The following SV2C variants were observed in gnomAD, a reference collection of about 807,000 sequenced individuals.
SV2C encodes solute carrier family 22 member B3.
Under a neutral mutation model 79.7 loss-of-function variants are expected in SV2C, and 49 were observed. The observed-to-expected ratio is 0.61, with a 90% CI of 0.49 to 0.78. The LOEUF (loss-of-function observed/expected upper bound fraction) is 0.78. Ranked by LOEUF, SV2C falls within the 30% of genes least tolerant of loss-of-function variation. The pLI is 0.00. For synonymous variants in SV2C, 334 were observed against 333.2 expected (o/e 1.00, Z -0.03); for missense variants, 833 against 912.9 (o/e 0.91, Z 1.13).
chr5:75,973,676 A>G, the SV2C span, among the ~76,000 whole-genome samples: 6 of 152,180 alleles, frequency 3.9e-5, no homozygotes, highest in African/African-American at 9.6e-5. Context: ...GATCAGGATT[A>G]TGACAGACTA....
In SV2C at chr5:76,330,535, C is replaced by G. The variant is rs1749146503; in HGVS notation, c.*4988C>G. On this transcript the variant is annotated 3_prime_UTR_variant, in exon 13 of 13. Coordinates refer to ENST00000502798, the MANE Select transcript of SV2C (RefSeq NM_014979.4). ...GAGAGAAGACACTCTCACACTGACC[C>G]CCATTACATGTGAACCCTCCGCGCC... The G allele has an allele frequency of 6.7e-6, 1 of 149,088 alleles. No homozygotes were observed. Among genetic ancestry groups the G allele is most frequent in the African/African-American group, 2.5e-5 (1 of 40,302 alleles). The allele number at this position is 149,088 out of a possible 1,614,324, so 9.2% of individuals were successfully genotyped here.
intron 3 of SV2C, among the ~76,000 whole-genome samples, chr5:76,202,427 AG>A (rs940091693): frequency 3.3e-5 from 5 of 152,216 alleles, no homozygotes; most frequent in Admixed American, 6.5e-5. Flanking sequence ...TAATGTAATC[AG>A]GTTTCATACC....
chr5:75,872,391 C>T, the SV2C span, among the ~76,000 whole-genome samples: 4 of 151,928 alleles, frequency 2.6e-5, no homozygotes, highest in South Asian at 8.3e-4. Context: ...CTTCTTACAC[C>T]AGGCAAAATG....
downstream of SV2C, among the ~76,000 whole-genome samples, chr5:76,335,984 C>T (rs1188388452): frequency 2.0e-5 from 3 of 152,136 alleles, no homozygotes; most frequent in Non-Finnish European, 2.9e-5. Context: ...CTCCTCACTT[C>T]CCAGTAGGGG....
chr5:75,997,316 C>A, the SV2C span, among the ~76,000 whole-genome samples: 4 of 151,956 alleles, frequency 2.6e-5, no homozygotes, highest in African/African-American at 9.7e-5. Context: ...AAGCAATGGA[C>A]AACAAAAGCC....
chr5:76,002,412 A>C, the SV2C span, among the ~76,000 whole-genome samples: 1 of 152,150 alleles, frequency 6.6e-6, no homozygotes, highest in Non-Finnish European at 1.5e-5. Context: ...GGGTCACTGC[A>C]GGGAGGAAGA....
At chr5:75,959,553 C>G in the SV2C span, among the ~76,000 whole-genome samples, 1 of 151,894 alleles carries the variant, frequency 6.6e-6, no homozygotes, top group Non-Finnish European at 1.5e-5. Flanking sequence ...AGGTTTATCC[C>G]CAAAACACAT....
chr5:76,031,669 C>T, the SV2C span, among the ~76,000 whole-genome samples: 2 of 152,132 alleles, frequency 1.3e-5, no homozygotes, highest in Non-Finnish European at 2.9e-5. Flanking sequence ...TTAATATATT[C>T]AATATCTTTA....
intron 3 of SV2C, among the ~76,000 whole-genome samples, chr5:76,197,034 C>A (rs928022721): frequency 1.4e-4 from 21 of 152,304 alleles, no homozygotes; most frequent in African/African-American, 5.1e-4. Context: ...CTCCCGGGGG[C>A]TGGGAATCAA....
intron 4 of SV2C, chr5:76,242,191 T>C: frequency 2.0e-6 from 2 of 1,024,112 alleles, no homozygotes; most frequent in Non-Finnish European, 3.1e-6. Context: ...GCTCTGGCTT[T>C]GGAGGAGCAG....
At chr5:76,257,258 AGTGTATGTGTGTGT>A (rs1223647945) in intron 4 of SV2C, among the ~76,000 whole-genome samples, 3 of 56,544 alleles carry the variant, frequency 5.3e-5, no homozygotes, top group South Asian at 9.0e-4. Flanking sequence ...GGGGGGCTGT[AGTGTATGTGTGTGT>A]GTGTGTGTGT....
chr5:76,077,604 G>A, the SV2C span, among the ~76,000 whole-genome samples: 4 of 152,238 alleles, frequency 2.6e-5, no homozygotes, highest in South Asian at 8.3e-4. Flanking sequence ...AAGGAAATGG[G>A]GGCACCAGCC....
At chr5:75,957,424 T>A in the SV2C span, among the ~76,000 whole-genome samples, 1 of 152,040 alleles carries the variant, frequency 6.6e-6, no homozygotes, top group African/African-American at 2.4e-5. Context: ...CCAGTATCTT[T>A]ACTAGAAGAG....
intron 4 of SV2C, among the ~76,000 whole-genome samples, chr5:76,265,498 G>GA (rs796778025): frequency 4.6e-5 from 7 of 152,040 alleles, no homozygotes; most frequent in Non-Finnish European, 8.8e-5. Context: ...ACTGGGGTAT[G>GA]AAAAAAACAA....
At chr5:75,849,008 A>G in the SV2C span, among the ~76,000 whole-genome samples, 147 of 152,370 alleles carry the variant, frequency 9.6e-4, no homozygotes, top group Middle Eastern at 3.4e-3. Flanking sequence ...ACAGTGTATC[A>G]TATCCTTGAC....
At chr5:75,968,519 C>T in the SV2C span, among the ~76,000 whole-genome samples, 1 of 152,202 alleles carries the variant, frequency 6.6e-6, no homozygotes, top group African/African-American at 2.4e-5. Flanking sequence ...AAGAGAACTA[C>T]ATGACGAATG....
At chr5:76,206,996 G>C (rs1314377599) in intron 3 of SV2C, among the ~76,000 whole-genome samples, 1 of 152,106 alleles carries the variant, frequency 6.6e-6, no homozygotes, top group African/African-American at 2.4e-5. Context: ...TTACAAACAA[G>C]TATTGAGAGA....
intron 3 of SV2C, among the ~76,000 whole-genome samples, chr5:76,205,317 A>T (rs1418380047): frequency 1.3e-5 from 2 of 152,130 alleles, no homozygotes; most frequent in Non-Finnish European, 2.9e-5. Context: ...TTAAGGAATA[A>T]CTCCAACTCT....
upstream of SV2C, among the ~76,000 whole-genome samples, chr5:76,082,653 T>C (rs1339273539): frequency 6.8e-6 from 1 of 147,304 alleles, no homozygotes. Context: ...CCCTCATATT[T>C]GGTTGTTTCC....
Sources: allele counts gnomAD v4.1 joint callset (sites outside exome capture counted in the v4.1 genomes callset), GRCh38; gene constraint gnomAD v4.1.1; transcripts MANE v1.5; gene names NCBI Gene and HGNC (gene_info 2026-07-23, HGNC 2026-07-21).